The following FLG variants were observed in gnomAD, a reference collection of about 807,000 sequenced individuals.
FLG encodes filaggrin, also known as epidermal filaggrin.
A neutral mutation model predicts 3.8 loss-of-function variants in FLG; 6 were observed. The observed-to-expected ratio is 1.60, with a 90% CI of 0.87 to 3.15. FLG has a LOEUF of 3.15. Ranked by LOEUF, FLG falls within the 30% of genes most tolerant of loss-of-function variation. FLG has a pLI of 0.00. For missense variants in FLG, 7,595 were observed against 5,050.9 expected (o/e 1.50, Z -15.27); for synonymous variants, 2,551 against 1,931.6 (o/e 1.32, Z -8.41).
rs541202491 is a variant in FLG at position 152,310,605 on chromosome 1, T to G, written c.4281A>C (p.Ala1427=). 1 of 1,613,966 alleles carries G rather than the reference T, an allele frequency of 6.2e-7. No individual in the cohort carries two copies. Among genetic ancestry groups the G allele is most frequent in the Admixed American group, 1.7e-5 (1 of 60,014 alleles). ...GPHQQSHKES[A]RGQSGESSGR... ...CAGAGCTTTCCCCTGACTGGCCACG[T>G]GCGGACTCTTTGTGGCTCTGCTGAT... Residue 1427 remains alanine, a synonymous_variant, in exon 3 of 3, where the codon GCA becomes GCC. Coordinates refer to ENST00000368799, the MANE Select transcript of FLG (RefSeq NM_002016.2).
rs1419285927 is a variant in FLG at position 152,304,934 on chromosome 1, T to C, written c.9952A>G (p.Ile3318Val). ...GCAGATGAAGCTTGTCCACGCGGAATGCCTGAGTGTCTGGAGCTGTCTGCT... is the reference window on the plus strand; with the variant it reads ...GCAGATGAAGCTTGTCCACGCGGAACGCCTGAGTGTCTGGAGCTGTCTGCT... The part of the protein sequence containing the change: ...QSADSSRHSG[I>V]PRGQASSAVR... Residue 3318 changes from isoleucine to valine, a missense_variant, in exon 3 of 3, where the codon ATT (isoleucine) becomes GTT (valine). Physicochemically the swap from Ile to Val is conservative, Grantham distance 29. Coordinates refer to ENST00000368799, the MANE Select transcript of FLG (RefSeq NM_002016.2). The C allele has an allele frequency of 1.2e-6, 2 of 1,613,650 alleles. No individual in the cohort carries two copies. The highest frequency in any genetic ancestry group is 1.7e-5 in the Admixed American group (1 of 59,934).
At chr1:152,316,693 A>G (rs373161101) in intron 1 of FLG, among the ~76,000 whole-genome samples, 1 of 152,266 alleles carries the variant, frequency 6.6e-6, no homozygotes, top group East Asian at 1.9e-4. Flanking sequence ...GTTACTTGCA[A>G]CATATGCAAA....
At position 152,308,301 on chromosome 1, in the gene FLG, G is replaced by T. The variant is rs779185823; in HGVS notation, c.6585C>A (p.Asp2195Glu). The stretch of plus-strand genomic sequence containing the variant: ...TAGAGCCATCTCCTGATTGTTCCTT[G>T]TCATATGTTTTTCTGCTTGCACTTC... Reference protein sequence around the residue: ...GSRSASRKTYDKEQSGDGSRH... With the variant: ...GSRSASRKTYEKEQSGDGSRH... Residue 2195 changes from aspartate (D) to glutamate (E), a missense_variant, in exon 3 of 3, where the codon GAC becomes GAA. Coordinates refer to ENST00000368799, the MANE Select transcript of FLG (RefSeq NM_002016.2). 1.2e-6 allele frequency: 2 copies of T among 1,613,566 alleles called. No homozygotes were observed. Among genetic ancestry groups the T allele is most frequent in the Non-Finnish European group, 1.7e-6 (2 of 1,179,670 alleles).
At position 152,307,088 on chromosome 1, in the gene FLG, T is replaced by A. The variant is rs761376407; in HGVS notation, c.7798A>T (p.Arg2600Ter). The A allele has an allele frequency of 3.7e-6, 6 of 1,610,604 alleles. No homozygotes were observed. The highest frequency in any genetic ancestry group is 3.4e-6 in the Non-Finnish European group (4 of 1,179,656). Residue 2600 changes from arginine to a stop codon, truncating the protein, a stop_gained, in exon 3 of 3, where the codon AGA becomes TGA. Coordinates refer to ENST00000368799, the MANE Select transcript of FLG (RefSeq NM_002016.2). LOFTEE classifies it low-confidence loss of function (END_TRUNC). ...GACCTGGGGTGTCTGGAGCCATCTC[T>A]TAGCTGCTCCTGAGCAGATCCATGA... ...NHHGSAQEQL[R>*]DGSRHPRSHQ...
chr1:152,323,719 C>T (rs1653054179), intron 1 of FLG, among the ~76,000 whole-genome samples: 1 of 150,642 alleles, frequency 6.6e-6, no homozygotes, highest in Admixed American at 6.6e-5. Flanking sequence ...CATAAAGTGA[C>T]AGAAGCACTT....
In FLG at chr1:152,307,824, TGCAGATGAA is replaced by T. The variant is rs932912934; in HGVS notation, c.7053_7061del (p.Ser2352_Ala2354del). ...ACCCTCGGTGTCCACTGTCTCTGAC[TGCAGATGAA>T]GCTTGTCCGTGCCCAATGCCTGAGT... On this transcript the variant is annotated inframe_deletion, in exon 3 of 3. Coordinates refer to ENST00000368799, the MANE Select transcript of FLG (RefSeq NM_002016.2). The T allele has an allele frequency of 3.1e-6, 5 of 1,613,208 alleles. No homozygotes were observed. In the African/African-American group the frequency reaches 6.7e-5, roughly 22 times the overall value.
In FLG at chr1:152,311,032, C is replaced by T; in HGVS notation, c.3854G>A (p.Arg1285Lys). ...GTTTCTGGAAGCAGACCCAGACAAC[C>T]TCTCGGAGTCGTCTGAGTGTCTCTC... The part of the protein sequence containing the change: ...DSERHSDDSE[R>K]LSGSASRNHH... The change falls in exon 3 of 3, where the codon AGG becomes AAG. Residue 1285 changes from arginine to lysine, a missense_variant. Coordinates refer to ENST00000368799, the MANE Select transcript of FLG (RefSeq NM_002016.2). 6.2e-7 allele frequency: 1 copy of T among 1,613,956 alleles called. No individual in the cohort carries two copies. Among genetic ancestry groups the T allele is most frequent in the Non-Finnish European group, 8.5e-7 (1 of 1,179,996 alleles).
In FLG at chr1:152,309,544, C is replaced by A; in HGVS notation, c.5342G>T (p.Arg1781Leu). 5.6e-6 allele frequency: 9 copies of A among 1,613,712 alleles called. No individual in the cohort carries two copies. The highest frequency in any genetic ancestry group is 7.6e-6 in the Non-Finnish European group (9 of 1,179,936). The stretch of plus-strand genomic sequence containing the variant: ...TCTTCCTCCAGTGCTGGGCCCTGTG[C>A]GTCCATGGGCGGACTCAGACTGTTC... ...THEQSESAHG[R>L]TGPSTGGRQR... The change falls in exon 3 of 3, where the codon CGC (arginine) becomes CTC (leucine). Residue 1781 changes from arginine (R) to leucine (L), a missense_variant. Transcript: ENST00000368799.
chr1:152,309,041 G>C lies in FLG; in HGVS notation c.5845C>G (p.Gln1949Glu), dbSNP rs143290834. The stretch of plus-strand genomic sequence containing the variant: ...GGGTGTCTGGAGCCATCTCTTGACT[G>C]CTCCCAAGCAGATCCAAGATGGTTT... ...SRNHLGSAWEQSRDGSRHPGS... is the reference protein window; with the variant it reads ...SRNHLGSAWEESRDGSRHPGS... The change falls in exon 3 of 3, where the codon CAG (glutamine) becomes GAG (glutamate). Residue 1949 changes from glutamine to glutamate, a missense_variant. Transcript: ENST00000368799. 733 of 1,614,122 alleles carry C rather than the reference G, an allele frequency of 4.5e-4. No homozygotes were observed. The African/African-American group carries it at 8.0e-3, about 18-fold the overall frequency.
Position 152,307,373 on chromosome 1 carries a change from G to T in FLG, c.7513C>A (p.His2505Asn). The T allele has an allele frequency of 6.2e-7, 1 of 1,613,198 alleles. No homozygotes were observed. Among genetic ancestry groups the T allele is most frequent in the Non-Finnish European group, 8.5e-7 (1 of 1,179,690 alleles). ...TTSQGRSDAS[H>N]GHSGSRSASR... ...GCACTTCTGGATCCTGAGTGCCCAT[G>T]GGAGGCATCAGACCTTCCCTGGGAT... Residue 2505 changes from histidine to asparagine, a missense_variant, in exon 3 of 3, where the codon CAT becomes AAT. Coordinates refer to ENST00000368799, the MANE Select transcript of FLG (RefSeq NM_002016.2).
chr1:152,319,778 CAG>C (rs1221795206), intron 1 of FLG, among the ~76,000 whole-genome samples: 1 of 151,254 alleles, frequency 6.6e-6, no homozygotes, highest in East Asian at 1.9e-4. Context: ...CAAAGAAAAA[CAG>C]AGCTAATCAC....
rs779659225 is a variant in FLG at position 152,313,115 on chromosome 1, C to A, written c.1771G>T (p.Ala591Ser). 7 of 1,613,940 alleles carry A rather than the reference C, an allele frequency of 4.3e-6. No individual in the cohort carries two copies. In the South Asian group the frequency reaches 7.7e-5, roughly 18 times the overall value. The change falls in exon 3 of 3, where the codon GCT becomes TCT. Residue 591 changes from alanine (A) to serine (S), a missense_variant. Coordinates refer to ENST00000368799, the MANE Select transcript of FLG (RefSeq NM_002016.2). ...TRHSGSRHHE[A>S]SSQADSSRHS... The stretch of plus-strand genomic sequence containing the variant: ...CTAGAGCTGTCAGCCTGAGAGGAAG[C>A]TTCATGATGACGTGACCCTGAGTGC...
At position 152,310,406 on chromosome 1, in the gene FLG, C is replaced by A. The variant is rs147239265; in HGVS notation, c.4480G>T (p.Gly1494Trp). The A allele has an allele frequency of 1.8e-4, 292 of 1,613,474 alleles. No homozygotes were observed. The African/African-American group carries it at 3.2e-3, about 17-fold the overall frequency. ...DGQDTIRGHP[G>W]SSRGGRQGSY... ...CCCTGCCTTCCTCCTCTGCTTGACC[C>A]CGGGTGTCCACGAATGGTGTCCTGA... The change falls in exon 3 of 3, where the codon GGG becomes TGG. Residue 1494 changes from glycine (G) to tryptophan (W), a missense_variant. Coordinates refer to ENST00000368799, the MANE Select transcript of FLG (RefSeq NM_002016.2).
rs370748065 is a variant in FLG, at chr1:152,313,351, C to A, written c.1535G>T (p.Gly512Val). Residue 512 changes from glycine (G) to valine (V), a missense_variant, in exon 3 of 3, where the codon GGT becomes GTT. Transcript: ENST00000368799. The stretch of plus-strand genomic sequence containing the variant: ...CGGGTGTCCACGAATGGTGTCCTGA[C>A]CCTCTTGGGACGCTGAATGCCTGGA... ...DSSRHSASQE[G>V]QDTIRGHPGS... 2.5e-6 allele frequency: 4 copies of A among 1,613,192 alleles called. No homozygotes were observed. In the African/African-American group the frequency reaches 4.0e-5, roughly 16 times the overall value.
chr1:152,313,245 GC>G lies in FLG; in HGVS notation c.1640del (p.Ser547ThrfsTer251), dbSNP rs771676489. 2 of 1,613,868 alleles carry G rather than the reference GC, an allele frequency of 1.2e-6. No individual in the cohort carries two copies. The highest frequency in any genetic ancestry group is 4.5e-5 in the East Asian group (2 of 44,844). On this transcript the variant is annotated frameshift_variant, in exon 3 of 3. Coordinates refer to ENST00000368799, the MANE Select transcript of FLG (RefSeq NM_002016.2). LOFTEE classifies it low-confidence loss of function (END_TRUNC). The part of the protein sequence containing the change: ...NRSGHSGSHH[S>X]HTTSQGRSDA... ...CAGACCTTCCCTGGGATGTGGTGTG[GC>G]TGTGATGGGAACCTGAGTGTCCAGA...
At chr1:152,323,495 C>T (rs180755972) in intron 1 of FLG, among the ~76,000 whole-genome samples, 2 of 151,692 alleles carry the variant, frequency 1.3e-5, no homozygotes, top group East Asian at 3.9e-4. Context: ...AGGAACGTTA[C>T]AGAAAAGGAT....
At position 152,311,564 on chromosome 1, in the gene FLG, CT is replaced by C. The variant is rs200519781; in HGVS notation, c.3321del (p.Gly1109GlufsTer13). The C allele has an allele frequency of 2.3e-4, 374 of 1,614,004 alleles. 3 individuals are homozygous for C. The East Asian group carries it at 7.8e-3, about 34-fold the overall frequency. Reference protein sequence around the residue: ...QSHQESARDWSGGRSGRSGSF... With the variant: ...QSHQESARDWXGGRSGRSGSF... ...GACCCTGAACGTCCAGACCTTCCCC[CT>C]GACCAGTCACGTGCGGACTCTTGGT... On this transcript the variant is annotated frameshift_variant, in exon 3 of 3. Coordinates refer to ENST00000368799, the MANE Select transcript of FLG (RefSeq NM_002016.2). LOFTEE classifies it low-confidence loss of function (END_TRUNC).
chr1:152,317,211 T>C (rs1652816128), intron 1 of FLG, among the ~76,000 whole-genome samples: 1 of 152,060 alleles, frequency 6.6e-6, no homozygotes, highest in African/African-American at 2.4e-5. Context: ...ATATTCATGC[T>C]GAAATATCTA....
chr1:152,310,092 C>A lies in FLG; in HGVS notation c.4794G>T (p.Arg1598Ser), dbSNP rs753068950. Residue 1598 changes from arginine to serine, a missense_variant, in exon 3 of 3, where the codon AGG (arginine) becomes AGT (serine). Physicochemically the swap from Arg to Ser is moderately radical, Grantham distance 110. Coordinates refer to ENST00000368799, the MANE Select transcript of FLG (RefSeq NM_002016.2). ...AGTCTTCTGAGTGTCCCTCACTGTC[C>A]CTGTCCTGACTAACACTGGATCCCT... The part of the protein sequence containing the change: ...RRQGSSVSQD[R>S]DSEGHSEDSE... The A allele has an allele frequency of 1.3e-5, 21 of 1,613,684 alleles. 1 individual carries two copies. Among genetic ancestry groups the A allele is most frequent in the African/African-American group, 1.1e-4 (8 of 74,788 alleles).
Sources: allele counts gnomAD v4.1 joint callset (sites outside exome capture counted in the v4.1 genomes callset), GRCh38; gene constraint gnomAD v4.1.1; transcripts MANE v1.5; gene names NCBI Gene and HGNC (gene_info 2026-07-23, HGNC 2026-07-21).